FGF10: variants seen among roughly 807,000 people sequenced by gnomAD.
The protein encoded by FGF10 is fibroblast growth factor 10.
FGF10 carries 2 observed loss-of-function variants against 19.8 expected under a neutral mutation model. The observed-to-expected ratio is 0.10, with a 90% confidence interval of 0.04 to 0.32. The LOEUF (loss-of-function observed/expected upper bound fraction) is 0.32. Among genes scored for constraint, FGF10 ranks in the 10% least tolerant of loss-of-function variants. FGF10 has a pLI of 1.00. For synonymous variants in FGF10, 112 were observed against 94.0 expected (o/e 1.19, Z -1.10); for missense variants, 191 against 246.3 (o/e 0.78, Z 1.50).
chr5:44,336,532 A>G (rs2111775475), intron 1 of FGF10, among the ~76,000 whole-genome samples: 1 of 152,242 alleles, frequency 6.6e-6, no homozygotes, highest in South Asian at 2.1e-4. Context: ...GTGGAGAAGA[A>G]CTGTCTCATG....
At chr5:44,362,351 T>C (rs771701456) in intron 1 of FGF10, among the ~76,000 whole-genome samples, 1 of 151,672 alleles carries the variant, frequency 6.6e-6, no homozygotes, top group Non-Finnish European at 1.5e-5. Context: ...GTATTCTTGC[T>C]CCAAACACTC....
chr5:44,383,769 T>A (rs1391704649), intron 1 of FGF10, among the ~76,000 whole-genome samples: 2 of 152,088 alleles, frequency 1.3e-5, no homozygotes, highest in Non-Finnish European at 2.9e-5. Flanking sequence ...CGTGATTAAA[T>A]GCTGCCGGTT....
At position 44,389,037 on chromosome 5, in the gene FGF10, A is replaced by G; in HGVS notation, c.-355T>C. ...TCTCTTCTTTACTCCTTTCTTCACC[A>G]TGTTAGATGCCAAAAAGGTCTGAAA... is the stretch of plus-strand genomic sequence containing the variant. On this transcript the variant is annotated 5_prime_UTR_variant, in exon 1 of 3. The change abolishes an upstream ATG in the 5' untranslated region. Transcript: ENST00000264664. 1 of 379,172 alleles carries G rather than the reference A, an allele frequency of 2.6e-6. No individual in the cohort carries two copies. The highest frequency in any genetic ancestry group is 2.6e-5 in the South Asian group (1 of 38,706). 23.5% of individuals were successfully genotyped at this position (379,172 alleles called of 1,614,324 possible). A position where few individuals can be genotyped will look rare whatever the true frequency, so the allele number is the denominator to read the frequency against.
At chr5:44,341,341 T>TA (rs1351909844) in intron 1 of FGF10, among the ~76,000 whole-genome samples, 9 of 151,948 alleles carry the variant, frequency 5.9e-5, no homozygotes, top group South Asian at 2.1e-4. Context: ...AGCAAGAATG[T>TA]AAAAAAACTA....
chr5:44,321,462 TTGAA>T (rs1381217818), intron 1 of FGF10, among the ~76,000 whole-genome samples: 2 of 152,198 alleles, frequency 1.3e-5, no homozygotes, highest in African/African-American at 4.8e-5. Flanking sequence ...ATTCAAGTCT[TTGAA>T]TGAATATATA....
chr5:44,315,434 C>A (rs1740317061), intron 1 of FGF10, among the ~76,000 whole-genome samples: 1 of 151,982 alleles, frequency 6.6e-6, no homozygotes, highest in South Asian at 2.1e-4. Flanking sequence ...TTTCTCCCCA[C>A]CTCCCCCAAT....
At chr5:44,376,850 A>C (rs1389624506) in intron 1 of FGF10, among the ~76,000 whole-genome samples, 1 of 151,928 alleles carries the variant, frequency 6.6e-6, no homozygotes, top group Non-Finnish European at 1.5e-5. Context: ...ATATTCTTCC[A>C]CTTTCTTTCT....
intron 1 of FGF10, among the ~76,000 whole-genome samples, chr5:44,333,359 TGTTCTG>T (rs1740779937): frequency 6.6e-6 from 1 of 152,152 alleles, no homozygotes; most frequent in African/African-American, 2.4e-5. Context: ...TTCAAAGCAC[TGTTCTG>T]AGTACTGAGA....
intron 1 of FGF10, among the ~76,000 whole-genome samples, chr5:44,345,651 A>T (rs961072426): frequency 5.7e-5 from 8 of 139,592 alleles, no homozygotes; most frequent in Non-Finnish European, 1.2e-4. Context: ...AAAAAAAAAA[A>T]TCGAACTTCT....
Position 44,389,401 on chromosome 5 carries a change from A to G in FGF10, c.-719T>C, listed in dbSNP as rs1742188496. 6.5e-6 allele frequency: 1 copy of G among 153,606 alleles called. No homozygotes were observed. Among genetic ancestry groups the G allele is most frequent in the Admixed American group, 6.5e-5 (1 of 15,460 alleles). The allele number at this position is 153,606 out of a possible 1,614,324, so 9.5% of individuals were successfully genotyped here. ...GGAAAGTCCGCTTGTAAACAGGTTG[A>G]AGCCTGGAGTCTAAATGTCAGTGAT... On this transcript the variant is annotated 5_prime_UTR_variant, in exon 1 of 3. Coordinates refer to ENST00000264664, the MANE Select transcript of FGF10 (RefSeq NM_004465.2).
chr5:44,361,091 G>T (rs935407699), intron 1 of FGF10, among the ~76,000 whole-genome samples: 1 of 151,588 alleles, frequency 6.6e-6, no homozygotes, highest in Non-Finnish European at 1.5e-5. Flanking sequence ...TACTTAAAAG[G>T]AATAGTAAAC....
rs1740799928 is a variant in FGF10, at chr5:44,334,350, G to A, written c.326-23820C>T. 7.2e-5 allele frequency among the ~76,000 whole-genome samples: 11 copies of A among 151,828 alleles called. No individual in the cohort carries two copies. The South Asian group carries it at 2.3e-3, about 32-fold the overall frequency. On this transcript the variant is annotated intron_variant, in intron 1 of 2. Transcript: ENST00000264664. Reference sequence around the variant, plus strand: ...ATAGAATATTCTAAGTTTGTTTCTGGAATAGTCTCAGGCATTGTCTACAAA... The same window carrying A: ...ATAGAATATTCTAAGTTTGTTTCTGAAATAGTCTCAGGCATTGTCTACAAA...
chr5:44,350,015 G>A (rs940216724), intron 1 of FGF10, among the ~76,000 whole-genome samples: 1 of 150,684 alleles, frequency 6.6e-6, no homozygotes, highest in Non-Finnish European at 1.5e-5. Flanking sequence ...TGAACAACAG[G>A]TTCATTCCTT....
intron 1 of FGF10, among the ~76,000 whole-genome samples, chr5:44,359,879 A>G (rs1162094586): frequency 2.6e-5 from 4 of 151,494 alleles, no homozygotes; most frequent in Non-Finnish European, 5.9e-5. Flanking sequence ...ATGGTCTATC[A>G]TTCTACTTTC....
At chr5:44,362,109 A>C (rs1741495833) in intron 1 of FGF10, among the ~76,000 whole-genome samples, 1 of 151,704 alleles carries the variant, frequency 6.6e-6, no homozygotes, top group Non-Finnish European at 1.5e-5. Context: ...ATCGGAGTCA[A>C]GCAGACCTAG....
chr5:44,326,327 C>T (rs943998303), intron 1 of FGF10, among the ~76,000 whole-genome samples: 1 of 152,036 alleles, frequency 6.6e-6, no homozygotes, highest in African/African-American at 2.4e-5. Flanking sequence ...TCATGTAGTA[C>T]AATTGAGAAG....
chr5:44,332,426 A>G (rs754455983), intron 1 of FGF10, among the ~76,000 whole-genome samples: 9 of 152,124 alleles, frequency 5.9e-5, no homozygotes, highest in East Asian at 1.9e-4. Flanking sequence ...GAATTTCTCT[A>G]TGTAACCTGG....
intron 1 of FGF10, among the ~76,000 whole-genome samples, chr5:44,352,594 A>G (rs1390099121): frequency 6.6e-6 from 1 of 151,644 alleles, no homozygotes; most frequent in Non-Finnish European, 1.5e-5. Context: ...TGGCAGGAGT[A>G]CATGATTTGG....
rs1231042693 is a variant in FGF10 at position 44,345,901 on chromosome 5, GGCCTAAGTGTTCTATGCT to G, written c.326-35389_326-35372del. Among the ~76,000 whole-genome samples the G allele has an allele frequency of 2.0e-5, 3 of 151,668 alleles. No homozygotes were observed. The East Asian group carries it at 5.8e-4, about 30-fold the overall frequency. On this transcript the variant is annotated intron_variant, in intron 1 of 2. Coordinates refer to ENST00000264664, the MANE Select transcript of FGF10 (RefSeq NM_004465.2). ...AAATATTGGGTTGACGTTGGACTCA[GGCCTAAGTGTTCTATGCT>G]GCCTCCACAGGCACTTCTGTTTCAT...
Sources: allele counts gnomAD v4.1 joint callset (sites outside exome capture counted in the v4.1 genomes callset), GRCh38; gene constraint gnomAD v4.1.1; transcripts MANE v1.5; gene names NCBI Gene and HGNC (gene_info 2026-07-23, HGNC 2026-07-21).